TRPS1: variants seen among roughly 807,000 people sequenced by gnomAD.
The protein encoded by TRPS1 is transcriptional repressor GATA binding 1, also known as zinc finger transcription factor Trps1.
A neutral mutation model predicts 101.2 loss-of-function variants in TRPS1; 6 were observed. That is an observed-to-expected ratio of 0.06 (90% CI 0.03 to 0.12). TRPS1 has a LOEUF of 0.12. TRPS1 is among the 10% of genes least tolerant of loss of function. The pLI is 1.00. For missense variants in TRPS1, 1,363 were observed against 1,567.0 expected, an observed-to-expected ratio of 0.87 and a Z score of 2.20; for synonymous variants, 578 against 589.8, an observed-to-expected ratio of 0.98 and a Z score of 0.29.
At chr8:115,436,872 A>C (rs800885) in intron 5 of TRPS1, among the ~76,000 whole-genome samples, 2 of 151,808 alleles carry the variant, frequency 1.3e-5, no homozygotes, top group East Asian at 1.9e-4. Context: ...AAAATGAAGG[A>C]GTGTAGATTC....
In TRPS1 at chr8:115,623,664, A is replaced by G. The variant is rs367831104; in HGVS notation, c.-27T>C. The G allele has an allele frequency of 3.7e-6, 6 of 1,609,404 alleles. No individual in the cohort carries two copies. In the African/African-American group the frequency reaches 8.0e-5, roughly 21 times the overall value. On this transcript the variant is annotated 5_prime_UTR_variant, in exon 2 of 7. Coordinates refer to ENST00000395715, the MANE Select transcript of TRPS1 (RefSeq NM_014112.5). ...TGGCTTTAGAGTGCTTTTTACAATTATTAATTCTATTAGTCAACTAGCAGG... is the reference window on the plus strand; with the variant it reads ...TGGCTTTAGAGTGCTTTTTACAATTGTTAATTCTATTAGTCAACTAGCAGG...
intron 5 of TRPS1, among the ~76,000 whole-genome samples, chr8:115,464,417 C>T (rs190756402): frequency 5.8e-4 from 88 of 152,208 alleles, no homozygotes; most frequent in African/African-American, 1.9e-3. Flanking sequence ...GATGGACTTA[C>T]ATCAAACTAT....
At chr8:115,442,902 T>C (rs1273807772) in intron 5 of TRPS1, among the ~76,000 whole-genome samples, 1 of 151,706 alleles carries the variant, frequency 6.6e-6, no homozygotes, top group Non-Finnish European at 1.5e-5. Context: ...TCATCCTGGC[T>C]AACACGGTGA....
chr8:115,575,520 T>C (rs527813741), intron 5 of TRPS1, among the ~76,000 whole-genome samples: 4 of 152,260 alleles, frequency 2.6e-5, no homozygotes, highest in African/African-American at 9.6e-5. Flanking sequence ...CTAAAATGTC[T>C]ATAATGAACA....
chr8:115,432,546 T>C (rs1813347907), intron 5 of TRPS1, among the ~76,000 whole-genome samples: 1 of 151,918 alleles, frequency 6.6e-6, no homozygotes, highest in African/African-American at 2.4e-5. Context: ...AAAGCAGTAA[T>C]TCAAAAATAA....
At chr8:115,580,835 T>G (rs991932098) in intron 5 of TRPS1, among the ~76,000 whole-genome samples, 1 of 152,028 alleles carries the variant, frequency 6.6e-6, no homozygotes, top group African/African-American at 2.4e-5. Context: ...GAGAACAGTA[T>G]GGAGGCTCCT....
chr8:115,624,544 T>A (rs1818464153), intron 1 of TRPS1, among the ~76,000 whole-genome samples: 1 of 152,002 alleles, frequency 6.6e-6, no homozygotes, highest in Non-Finnish European at 1.5e-5. Context: ...CAAAATATTC[T>A]ATTTGTATTA....
intron 5 of TRPS1, among the ~76,000 whole-genome samples, chr8:115,547,700 G>A (rs1319663932): frequency 6.6e-6 from 1 of 152,036 alleles, no homozygotes. Flanking sequence ...CTCATCCCGG[G>A]AAAGGCTTCA....
At chr8:115,474,175 G>T (rs1274457245) in intron 5 of TRPS1, among the ~76,000 whole-genome samples, 1 of 152,150 alleles carries the variant, frequency 6.6e-6, no homozygotes, top group Non-Finnish European at 1.5e-5. Context: ...TTATTTCCCT[G>T]CTAGCATTTA....
rs1477919206 is a variant in TRPS1 at position 115,611,806 on chromosome 8, T to C, written c.967-6804A>G. On this transcript the variant is annotated intron_variant, in intron 3 of 6. Transcript: ENST00000395715. ...GAATATGGTACATAACGGTGCTTGCTATGTAATAAGTAATATAAATGTAAT... is the reference window on the plus strand; with the variant it reads ...GAATATGGTACATAACGGTGCTTGCCATGTAATAAGTAATATAAATGTAAT... Among the ~76,000 whole-genome samples, 6 of 152,232 alleles carry C rather than the reference T, an allele frequency of 3.9e-5. 1 individual carries two copies. The South Asian group carries it at 1.0e-3, about 26-fold the overall frequency.
chr8:115,633,067 C>T (rs995700972), intron 1 of TRPS1, among the ~76,000 whole-genome samples: 6 of 151,968 alleles, frequency 3.9e-5, no homozygotes. Context: ...CTTTGAGCTG[C>T]GATATTTTGA....
rs1812789509 is a variant in TRPS1 at position 115,411,529 on chromosome 8, G to A, written c.*2494C>T. 6.6e-6 allele frequency: 1 copy of A among 152,422 alleles called. No individual in the cohort carries two copies. Among genetic ancestry groups the A allele is most frequent in the Non-Finnish European group, 1.5e-5 (1 of 67,954 alleles). 9.4% of individuals were successfully genotyped at this position (152,422 alleles called of 1,614,324 possible). A position where few individuals can be genotyped will look rare whatever the true frequency, so the allele number is the denominator to read the frequency against. On this transcript the variant is annotated 3_prime_UTR_variant, in exon 7 of 7. Coordinates refer to ENST00000395715, the MANE Select transcript of TRPS1 (RefSeq NM_014112.5). ...TTTACTAAGAAAATTAAATATTGTT[G>A]TTTGGGGGAATCTCCTCTCTTTTTT...
chr8:115,474,397 A>G (rs1486021559), intron 5 of TRPS1, among the ~76,000 whole-genome samples: 1 of 152,152 alleles, frequency 6.6e-6, no homozygotes, highest in Non-Finnish European at 1.5e-5. Context: ...GGATGGATGG[A>G]TGGATAAAAT....
chr8:115,439,357 T>C (rs1813533883), intron 5 of TRPS1, among the ~76,000 whole-genome samples: 1 of 152,146 alleles, frequency 6.6e-6, no homozygotes, highest in Non-Finnish European at 1.5e-5. Context: ...TGGACAGACA[T>C]TGAGCTAGTG....
intron 5 of TRPS1, among the ~76,000 whole-genome samples, chr8:115,492,560 G>T (rs573023708): frequency 6.6e-6 from 1 of 152,012 alleles, no homozygotes; most frequent in Non-Finnish European, 1.5e-5. Context: ...GGGTGCTATT[G>T]TCATTCTAGT....
intron 4 of TRPS1, among the ~76,000 whole-genome samples, chr8:115,597,074 G>A (rs1266345783): frequency 2.0e-5 from 3 of 151,644 alleles, no homozygotes; most frequent in African/African-American, 7.3e-5. Context: ...TTTTATTTTG[G>A]ACTGACTTTG....
Position 115,414,625 on chromosome 8 carries a change from G to A in TRPS1, c.3283C>T (p.Pro1095Ser), listed in dbSNP as rs1812869036. The A allele has an allele frequency of 1.2e-6, 2 of 1,613,930 alleles. No homozygotes were observed. Among genetic ancestry groups the A allele is most frequent in the African/African-American group, 2.7e-5 (2 of 74,898 alleles). Reference protein sequence around the residue: ...MRPAKHPNYSPPGSPIEKYQY... With the variant: ...MRPAKHPNYSSPGSPIEKYQY... ...TACTTTTCAATAGGGCTGCCTGGTG[G>A]TGAATAATTTGGGTGTTTCGCAGGT... Residue 1095 changes from proline to serine, a missense_variant, in exon 7 of 7, where the codon CCA becomes TCA. By Grantham distance (74) the Pro-to-Ser change is moderately conservative (BLOSUM62 -1). Coordinates refer to ENST00000395715, the MANE Select transcript of TRPS1 (RefSeq NM_014112.5). The surrounding 1 kb of genome is among the most constrained non-coding windows in gnomAD (Gnocchi z 4.8).
intron 5 of TRPS1, among the ~76,000 whole-genome samples, chr8:115,443,600 A>G (rs1813661726): frequency 6.6e-6 from 1 of 152,198 alleles, no homozygotes; most frequent in Non-Finnish European, 1.5e-5. Flanking sequence ...AATCCTGCCT[A>G]TGACACTAAC....
intron 5 of TRPS1, among the ~76,000 whole-genome samples, chr8:115,421,833 T>C (rs1439730682): frequency 6.6e-6 from 1 of 152,152 alleles, no homozygotes; most frequent in Non-Finnish European, 1.5e-5. Context: ...CAATGTAACC[T>C]GGCAGGACAC....
Sources: allele counts gnomAD v4.1 joint callset (sites outside exome capture counted in the v4.1 genomes callset), GRCh38; gene constraint gnomAD v4.1.1; non-coding constraint Gnocchi (gnomAD v3.1); transcripts MANE v1.5; gene names NCBI Gene and HGNC (gene_info 2026-07-23, HGNC 2026-07-21).